ADGRL3: variants seen among roughly 807,000 people sequenced by gnomAD.
ADGRL3 encodes the protein adhesion G protein-coupled receptor L3, also known as calcium-independent alpha-latrotoxin receptor 3.
A neutral mutation model predicts 153.5 loss-of-function variants in ADGRL3; 62 were observed. That is an observed-to-expected ratio of 0.40 (90% CI 0.33 to 0.50). The LOEUF is 0.50. Among genes scored for constraint, ADGRL3 ranks in the 20% least tolerant of loss-of-function variants. ADGRL3 has a pLI of 0.47. For missense variants in ADGRL3, 1,641 were observed against 1,859.4 expected (o/e 0.88, Z 2.16); for synonymous variants, 710 against 672.5 (o/e 1.06, Z -0.86).
intron 5 of ADGRL3, among the ~76,000 whole-genome samples, chr4:61,668,262 A>G (rs186090911): frequency 2.0e-5 from 3 of 152,342 alleles, no homozygotes; most frequent in African/African-American, 7.2e-5. Context: ...AAGCCGAAGA[A>G]TGAGGGCACA....
intron 6 of ADGRL3, among the ~76,000 whole-genome samples, chr4:61,728,096 C>T (rs550498116): frequency 2.5e-4 from 38 of 152,030 alleles, no homozygotes; most frequent in African/African-American, 8.4e-4. Context: ...GTTGTCTTGC[C>T]GGTTTTTGTT....
At chr4:61,720,393 G>T (rs2096219833) in intron 6 of ADGRL3, among the ~76,000 whole-genome samples, 1 of 152,116 alleles carries the variant, frequency 6.6e-6, no homozygotes, top group East Asian at 1.9e-4. Context: ...CGACTAGAGT[G>T]ACACTTTTTT....
intron 5 of ADGRL3, among the ~76,000 whole-genome samples, chr4:61,596,893 T>C (rs2098991258): frequency 6.6e-6 from 1 of 152,100 alleles, no homozygotes; most frequent in Non-Finnish European, 1.5e-5. Flanking sequence ...ATCCTAGTAT[T>C]TGTTAATATG....
intron 2 of ADGRL3, among the ~76,000 whole-genome samples, chr4:61,455,868 T>C (rs548585149): frequency 2.0e-5 from 3 of 152,216 alleles, no homozygotes; most frequent in East Asian, 3.9e-4. Flanking sequence ...CAGGTTGGCA[T>C]GTAGTAGTTT....
At chr4:61,797,788 T>A (rs772284685) in intron 8 of ADGRL3, among the ~76,000 whole-genome samples, 1 of 152,170 alleles carries the variant, frequency 6.6e-6, no homozygotes, top group Non-Finnish European at 1.5e-5. Context: ...TCTTAATGGA[T>A]TGGTTAATTT....
intron 17 of ADGRL3, among the ~76,000 whole-genome samples, chr4:61,976,171 T>C (rs2099047309): frequency 6.6e-6 from 1 of 152,172 alleles, no homozygotes; most frequent in Non-Finnish European, 1.5e-5. Context: ...TACATAATGG[T>C]ATATAGTTTG....
At chr4:61,665,437 A>C (rs1013195202) in intron 5 of ADGRL3, among the ~76,000 whole-genome samples, 3 of 150,804 alleles carry the variant, frequency 2.0e-5, no homozygotes, top group African/African-American at 4.9e-5. Flanking sequence ...AAAAACAAAC[A>C]AAAAAAAACA....
chr4:61,498,490 C>T lies in ADGRL3; in HGVS notation c.55+1142C>T, dbSNP rs545946164. 7.9e-5 allele frequency among the ~76,000 whole-genome samples: 12 copies of T among 152,050 alleles called. No individual in the cohort carries two copies. In the South Asian group the frequency reaches 8.3e-4, roughly 11 times the overall value. On this transcript the variant is annotated intron_variant, in intron 3 of 26. Transcript: ENST00000683033. ...GCGTAAACCCGGGAGGCAAAGCTTA[C>T]AGTGACCCAAGATCGTGCCACTGCA...
chr4:61,876,935 A>C (rs1489280466), intron 9 of ADGRL3, among the ~76,000 whole-genome samples: 1 of 151,320 alleles, frequency 6.6e-6, no homozygotes, highest in African/African-American at 2.4e-5. Context: ...AAAGAAAGAA[A>C]TATCCACATC....
intron 11 of ADGRL3, among the ~76,000 whole-genome samples, chr4:61,899,442 A>G (rs768967256): frequency 1.3e-5 from 2 of 152,078 alleles, no homozygotes; most frequent in East Asian, 1.9e-4. Flanking sequence ...TGCTGCCAGT[A>G]TAGTTTTGTG....
intron 8 of ADGRL3, among the ~76,000 whole-genome samples, chr4:61,759,473 G>A (rs1052637037): frequency 5.3e-5 from 8 of 152,114 alleles, no homozygotes; most frequent in Admixed American, 3.9e-4. Flanking sequence ...TCGACTACGA[G>A]GCTTGTGCAT....
At chr4:61,567,091 G>GA (rs1319968858) in intron 4 of ADGRL3, among the ~76,000 whole-genome samples, 1 of 151,798 alleles carries the variant, frequency 6.6e-6, no homozygotes, top group African/African-American at 2.4e-5. Context: ...AAATGTTACA[G>GA]AAAAAAAATT....
At chr4:62,004,506 G>A (rs2099151162) in intron 21 of ADGRL3, among the ~76,000 whole-genome samples, 1 of 151,680 alleles carries the variant, frequency 6.6e-6, no homozygotes, top group South Asian at 2.1e-4. Context: ...TTAAGAAGGA[G>A]GCTCAAAATT....
intron 8 of ADGRL3, among the ~76,000 whole-genome samples, chr4:61,747,144 C>T (rs188532663): frequency 0.02 from 3,021 of 152,106 alleles, 48 homozygotes; most frequent in East Asian, 0.097. Flanking sequence ...TACACCCTTC[C>T]AAGACTAAAC....
intron 1 of ADGRL3, among the ~76,000 whole-genome samples, chr4:61,301,670 G>C (rs1004718989): frequency 2.6e-5 from 4 of 152,142 alleles, no homozygotes; most frequent in Non-Finnish European, 5.9e-5. Flanking sequence ...ATCTCTTTTT[G>C]ATGCTTTGCC....
At chr4:61,892,562 C>A in intron 9 of ADGRL3, 94 bp from the exon 10 acceptor site, 1 of 885,366 alleles carries the variant, frequency 1.1e-6, no homozygotes, top group Non-Finnish European at 1.8e-6. Context: ...GCTCTTTGAA[C>A]TGTCAAATAA....
chr4:61,871,983 T>C (rs2098448223), intron 9 of ADGRL3, among the ~76,000 whole-genome samples: 1 of 152,192 alleles, frequency 6.6e-6, no homozygotes, highest in African/African-American at 2.4e-5. Context: ...ACTACTAACA[T>C]CCAAATATTT....
intron 1 of ADGRL3, among the ~76,000 whole-genome samples, chr4:61,261,862 A>C (rs991473189): frequency 1.3e-5 from 2 of 152,146 alleles, no homozygotes; most frequent in African/African-American, 4.8e-5. Context: ...AGTGAGGATA[A>C]AAATATTTGA....
At chr4:61,856,535 T>A (rs769748873) in intron 9 of ADGRL3, among the ~76,000 whole-genome samples, 1 of 138,476 alleles carries the variant, frequency 7.2e-6, no homozygotes, top group Non-Finnish European at 1.6e-5. Flanking sequence ...CTCCCTCTTT[T>A]CCTCCCTCCC....
Sources: gnomAD v4.1 joint callset for allele counts (sites outside exome capture counted in the v4.1 genomes callset) on GRCh38, gnomAD v4.1.1 for gene constraint, MANE v1.5 for transcripts, NCBI Gene and HGNC (gene_info 2026-07-23, HGNC 2026-07-21) for gene names.